The following ADNP2 variants were observed in gnomAD, a reference collection of about 807,000 sequenced individuals.
ADNP2 encodes the protein ADNP homeobox 2, also known as activity-dependent neuroprotector homeobox protein 2.
ADNP2 carries 8 observed loss-of-function variants against 16.4 expected under a neutral mutation model. That is an observed-to-expected ratio of 0.49 (90% CI 0.29 to 0.88). The LOEUF is 0.88. Among genes scored for constraint, ADNP2 ranks in the 40% least tolerant of loss-of-function variants. ADNP2 has a pLI of 0.09. For synonymous variants in ADNP2, 637 were observed against 545.8 expected (o/e 1.17, Z -2.33); for missense variants, 1,397 against 1,395.1 (o/e 1.00, Z -0.02).
chr18:80,134,765 G>A (rs945936487), intron 3 of ADNP2, among the ~76,000 whole-genome samples: 6 of 152,114 alleles, frequency 3.9e-5, no homozygotes, highest in African/African-American at 1.2e-4. Context: ...TCAGTGTTGC[G>A]TTCTGTGGCC....
At position 80,135,702 on chromosome 18, in the gene ADNP2, G is replaced by A; in HGVS notation, c.289G>A (p.Glu97Lys). The A allele has an allele frequency of 6.2e-7, 1 of 1,614,192 alleles. No individual in the cohort carries two copies. The highest frequency in any genetic ancestry group is 8.5e-7 in the Non-Finnish European group (1 of 1,180,046). The change falls in exon 4 of 4, where the codon GAA (glutamate) becomes AAA (lysine). Residue 97 changes from glutamate to lysine, a missense_variant. Transcript: ENST00000262198. ...CAAGAATCATTTACATCGTTACCAT[G>A]AAGATGAAATTGACCAAGAGCTGGT... ...SFKNHLHRYH[E>K]DEIDQELVIP...
chr18:80,111,566 ATTT>A (rs34338300), intron 1 of ADNP2, among the ~76,000 whole-genome samples: 58 of 127,078 alleles, frequency 4.6e-4, no homozygotes, highest in South Asian at 5.0e-4. Flanking sequence ...CCTGAATGAC[ATTT>A]TTTTTTTTTT....
At chr18:80,131,535 A>G (rs1180637143) in intron 2 of ADNP2, among the ~76,000 whole-genome samples, 4 of 151,370 alleles carry the variant, frequency 2.6e-5, no homozygotes, top group African/African-American at 7.3e-5. Context: ...GCGGTAAGGT[A>G]TAGTTTAAAA....
chr18:80,130,319 C>T (rs923451847), intron 2 of ADNP2, among the ~76,000 whole-genome samples: 2 of 152,202 alleles, frequency 1.3e-5, no homozygotes, highest in African/African-American at 2.4e-5. Context: ...TCTGAATGCA[C>T]TGTTACCTCA....
chr18:80,128,149 A>C (rs984595811), intron 2 of ADNP2, among the ~76,000 whole-genome samples: 2 of 152,170 alleles, frequency 1.3e-5, no homozygotes, highest in Non-Finnish European at 2.9e-5. Context: ...CTGCTGCTCT[A>C]GCAGCATCTT....
At chr18:80,111,988 A>G (rs1177413599) in intron 1 of ADNP2, among the ~76,000 whole-genome samples, 2 of 152,106 alleles carry the variant, frequency 1.3e-5, no homozygotes, top group African/African-American at 2.4e-5. Flanking sequence ...ATTTTATGGT[A>G]GTTCCATGCC....
chr18:80,138,650 C>T lies in ADNP2; in HGVS notation c.3237C>T (p.Leu1079=), dbSNP rs369864632. 1 of 1,611,982 alleles carries T rather than the reference C, an allele frequency of 6.2e-7. No homozygotes were observed. The highest frequency in any genetic ancestry group is 1.7e-5 in the Admixed American group (1 of 59,604). ...AGGAAATAGAACTGTTGTCCTCACT[C>T]TTTTGGGTGTGGAAAATTGATGTGG... ...SKKEIELLSS[L]FWVWKIDVAS... is the part of the protein sequence containing the mutation. Residue 1079 remains leucine, a synonymous_variant, in exon 4 of 4, where the codon CTC becomes CTT. Coordinates refer to ENST00000262198, the MANE Select transcript of ADNP2 (RefSeq NM_014913.4).
At chr18:80,132,297 A>G (rs780037636) in intron 2 of ADNP2, among the ~76,000 whole-genome samples, 6 of 152,178 alleles carry the variant, frequency 3.9e-5, no homozygotes, top group Non-Finnish European at 8.8e-5. Flanking sequence ...TCTGTTGAAA[A>G]TATTTGGGAG....
intron 1 of ADNP2, among the ~76,000 whole-genome samples, chr18:80,115,413 TG>T (rs1304788708): frequency 6.6e-6 from 1 of 152,176 alleles, no homozygotes; most frequent in Non-Finnish European, 1.5e-5. Flanking sequence ...CCACTGCTAC[TG>T]GGGTGTATAA....
chr18:80,117,482 G>A (rs2052396765), intron 1 of ADNP2, 48 bp from the exon 2 acceptor site: 45 of 1,158,274 alleles, frequency 3.9e-5, no homozygotes, highest in South Asian at 3.9e-4. Flanking sequence ...GTATTTTTGT[G>A]TATTATATAC....
In ADNP2 at chr18:80,139,520, A is replaced by G. The variant is rs1178370055; in HGVS notation, c.*711A>G. On this transcript the variant is annotated 3_prime_UTR_variant, in exon 4 of 4. Transcript: ENST00000262198. ...ATACATCAAGAGTTATTTTACAAAT[A>G]AATTTATTCTGTAGATGCAGAAATA... 1 of 152,592 alleles carries G rather than the reference A, an allele frequency of 6.6e-6. No individual in the cohort carries two copies. Among genetic ancestry groups the G allele is most frequent in the Non-Finnish European group, 1.5e-5 (1 of 68,034 alleles). The allele number at this position is 152,592 out of a possible 1,614,324, so 9.5% of individuals were successfully genotyped here. A position where few individuals can be genotyped will look rare whatever the true frequency, so the allele number is the denominator to read the frequency against.
intron 1 of ADNP2, among the ~76,000 whole-genome samples, chr18:80,116,345 C>A (rs2145192268): frequency 6.6e-6 from 1 of 152,274 alleles, no homozygotes; most frequent in South Asian, 2.1e-4. Flanking sequence ...TTGTCATGAA[C>A]ATCCTTATAT....
In ADNP2 at chr18:80,119,575, C is replaced by T. The variant is rs919926231; in HGVS notation, c.108+1925C>T. On this transcript the variant is annotated intron_variant, in intron 2 of 3. Transcript: ENST00000262198. ...GCCTTCTTGTAAGATTTACACAGCA[C>T]ATGTGACTTCAATCTTAGCAAGAGT... is the stretch of plus-strand genomic sequence containing the variant. Among the ~76,000 whole-genome samples the T allele has an allele frequency of 1.9e-4, 29 of 152,156 alleles. 1 individual carries two copies.
chr18:80,137,067 G>T lies in ADNP2; in HGVS notation c.1654G>T (p.Gly552Ter). 6.2e-7 allele frequency: 1 copy of T among 1,614,112 alleles called. No homozygotes were observed. Among genetic ancestry groups the T allele is most frequent in the Non-Finnish European group, 8.5e-7 (1 of 1,180,006 alleles). Residue 552 changes from glycine (G) to a stop codon, truncating the protein, a stop_gained, in exon 4 of 4, where the codon GGA becomes TGA. Coordinates refer to ENST00000262198, the MANE Select transcript of ADNP2 (RefSeq NM_014913.4). LOFTEE classifies it low-confidence loss of function (END_TRUNC). This position sits in a 1 kb window ranked among gnomAD's most constrained non-coding sequence, Gnocchi z 4.2. ...GCAGCTTAGTCAGCCTGTTGTGTCGGGAGTTCTTCCTGTGGGCCAGCCAGT... is the reference window on the plus strand; with the variant it reads ...GCAGCTTAGTCAGCCTGTTGTGTCGTGAGTTCTTCCTGTGGGCCAGCCAGT... ...VLQLSQPVVS[G>*]VLPVGQPVRP...
rs1338189729 is a variant in ADNP2, at chr18:80,140,177, A to G, written c.*1368A>G. The G allele has an allele frequency of 6.6e-6, 1 of 152,312 alleles. No homozygotes were observed. Among genetic ancestry groups the G allele is most frequent in the Non-Finnish European group, 1.5e-5 (1 of 68,032 alleles). 9.4% of individuals were successfully genotyped at this position (152,312 alleles called of 1,614,324 possible). ...CTATGTGGATTTTAAAAAATATAAT[A>G]CTTGCATGTAATTGCTATAATGTTC... is the stretch of plus-strand genomic sequence containing the variant. On this transcript the variant is annotated 3_prime_UTR_variant, in exon 4 of 4. Transcript: ENST00000262198.
At chr18:80,127,339 G>GTTTTTTTTTTTTT (rs35560770) in intron 2 of ADNP2, among the ~76,000 whole-genome samples, 4 of 102,182 alleles carry the variant, frequency 3.9e-5, no homozygotes, top group African/African-American at 4.0e-5. Flanking sequence ...GGTTTTTTCA[G>GTTTTTTTTTTTTT]TTTTTTTTTT....
rs771591653 is a variant in ADNP2 at position 80,136,944 on chromosome 18, G to A, written c.1531G>A (p.Ala511Thr). Residue 511 changes from alanine (A) to threonine (T), a missense_variant, in exon 4 of 4, where the codon GCA becomes ACA. Coordinates refer to ENST00000262198, the MANE Select transcript of ADNP2 (RefSeq NM_014913.4). ...GQTAPLRVIS[A>T]GQVVPSGLLS... ...GACAGCCCCATTGAGGGTTATCTCTGCAGGCCAGGTGGTCCCGTCTGGGCT... is the reference window on the plus strand; with the variant it reads ...GACAGCCCCATTGAGGGTTATCTCTACAGGCCAGGTGGTCCCGTCTGGGCT... The A allele has an allele frequency of 6.2e-7, 1 of 1,613,924 alleles. No individual in the cohort carries two copies. Among genetic ancestry groups the A allele is most frequent in the South Asian group, 1.1e-5 (1 of 91,070 alleles).
rs1466523004 is a variant in ADNP2, at chr18:80,138,822, A to AG, written c.*13_*14insG. 1.3e-6 allele frequency: 2 copies of AG among 1,491,134 alleles called. No homozygotes were observed. The highest frequency in any genetic ancestry group is 2.3e-5 in the East Asian group (1 of 42,574). 92.4% of individuals were successfully genotyped at this position (1,491,134 alleles called of 1,614,324 possible). A position where few individuals can be genotyped will look rare whatever the true frequency, so the allele number is the denominator to read the frequency against. On this transcript the variant is annotated 3_prime_UTR_variant, in exon 4 of 4. Transcript: ENST00000262198. ...ATATGAACCATAAAACTTGCAAAAA[A>AG]AAAAAAAAGTAACTCTAAAGTAGTA...
At position 80,137,341 on chromosome 18, in the gene ADNP2, T is replaced by C; in HGVS notation, c.1928T>C (p.Leu643Pro). ...TVAPPQMPIQ[L>P]LPSGAAAPMA... ...GCTCCGCCCCAGATGCCCATCCAGC[T>C]CCTGCCGTCAGGTGCAGCTGCACCA... is the stretch of plus-strand genomic sequence containing the variant. The change falls in exon 4 of 4, where the codon CTC (leucine) becomes CCC (proline). Residue 643 changes from leucine to proline, a missense_variant. Leu to Pro is a moderately conservative substitution (Grantham distance 98, BLOSUM62 -3). This residue lies in a region of ADNP2 where 611 missense variants were observed against 648.7 expected (regional missense o/e 0.94). Coordinates refer to ENST00000262198, the MANE Select transcript of ADNP2 (RefSeq NM_014913.4). The surrounding 1 kb of genome is among the most constrained non-coding windows in gnomAD (Gnocchi z 4.2). 1 of 1,614,008 alleles carries C rather than the reference T, an allele frequency of 6.2e-7. No homozygotes were observed. Among genetic ancestry groups the C allele is most frequent in the South Asian group, 1.1e-5 (1 of 91,084 alleles).
Sources: allele counts gnomAD v4.1 joint callset (sites outside exome capture counted in the v4.1 genomes callset), GRCh38; gene constraint gnomAD v4.1.1; regional missense constraint gnomAD v4.1.1; non-coding constraint Gnocchi (gnomAD v3.1); transcripts MANE v1.5; gene names NCBI Gene and HGNC (gene_info 2026-07-23, HGNC 2026-07-21).